ZFHX3: variants seen among roughly 807,000 people sequenced by gnomAD.
ZFHX3 encodes the protein zinc finger homeobox protein 3.
In ZFHX3, 42 loss-of-function variants were observed where a neutral mutation model predicts 279.1. That is an observed-to-expected ratio of 0.15 (90% confidence interval 0.12 to 0.19). The LOEUF is 0.19. Among genes scored for constraint, ZFHX3 ranks in the 10% least tolerant of loss-of-function variants. The pLI, the probability that ZFHX3 is intolerant of heterozygous loss-of-function variation, is 1.00. For synonymous variants in ZFHX3, 2,293 were observed against 1,957.8 expected (o/e 1.17, Z -4.52); for missense variants, 4,981 against 4,754.0 (o/e 1.05, Z -1.40).
chr16:73,322,984 A>G (rs2015607918), intron 3 of ZFHX3, among the ~76,000 whole-genome samples: 1 of 152,196 alleles, frequency 6.6e-6, no homozygotes, highest in South Asian at 2.1e-4. Context: ...CATATTGTCT[A>G]TGGATGCTTT....
intron 8 of ZFHX3, 121 bp from the exon 9 acceptor site, chr16:72,798,835 G>A: frequency 3.5e-6 from 5 of 1,421,406 alleles, no homozygotes; most frequent in South Asian, 1.7e-5. Context: ...TGAGGGAAGT[G>A]CCCAACCTGA....
chr16:73,618,300 T>A (rs2052325344), intron 2 of ZFHX3, among the ~76,000 whole-genome samples: 1 of 152,156 alleles, frequency 6.6e-6, no homozygotes, highest in South Asian at 2.1e-4. Context: ...CTGTAACACA[T>A]CCTGTGATTG....
At chr16:73,552,388 C>G (rs1337575126) in intron 2 of ZFHX3, among the ~76,000 whole-genome samples, 1 of 152,038 alleles carries the variant, frequency 6.6e-6, no homozygotes, top group Non-Finnish European at 1.5e-5. Context: ...AAAAATTAGC[C>G]ATAAAATCCA....
intron 2 of ZFHX3, among the ~76,000 whole-genome samples, chr16:73,673,795 G>A (rs960669768): frequency 1.3e-5 from 2 of 152,114 alleles, no homozygotes; most frequent in African/African-American, 4.8e-5. Flanking sequence ...TATTCCACCT[G>A]AATGGAGATT....
rs911644119 is a variant in ZFHX3, at chr16:73,436,276, A to G, written c.-1291+19727T>C. 3.9e-5 allele frequency among the ~76,000 whole-genome samples: 6 copies of G among 152,264 alleles called. No individual in the cohort carries two copies. In the South Asian group the frequency reaches 1.0e-3, roughly 26 times the overall value. On this transcript the variant is annotated intron_variant, in intron 3 of 17. Transcript: ENST00000641206. Reference sequence around the variant, plus strand: ...GTGGAGGTTGTGGTAAGCCAAGATCACACCATTGCACTCCAGCCTGGGCAA... The same window carrying G: ...GTGGAGGTTGTGGTAAGCCAAGATCGCACCATTGCACTCCAGCCTGGGCAA...
chr16:73,555,730 G>T (rs186976249), intron 2 of ZFHX3, among the ~76,000 whole-genome samples: 2 of 151,886 alleles, frequency 1.3e-5, no homozygotes, highest in African/African-American at 2.4e-5. Context: ...TACTGAGCAG[G>T]CTGAGGCAGG....
chr16:73,767,383 T>G (rs1597104468), intron 1 of ZFHX3, among the ~76,000 whole-genome samples: 1 of 152,178 alleles, frequency 6.6e-6, no homozygotes, highest in East Asian at 1.9e-4. Context: ...TTATTTGGAT[T>G]TGAGGAAAAG....
At chr16:73,169,011 T>C (rs1967459156) in intron 5 of ZFHX3, among the ~76,000 whole-genome samples, 2 of 152,188 alleles carry the variant, frequency 1.3e-5, no homozygotes, top group African/African-American at 4.8e-5. Flanking sequence ...TTTAGAACTA[T>C]TGTTTGGTTC....
intron 3 of ZFHX3, among the ~76,000 whole-genome samples, chr16:73,330,557 G>A (rs1198833467): frequency 6.6e-6 from 1 of 152,124 alleles, no homozygotes; most frequent in Non-Finnish European, 1.5e-5. Context: ...TTTATTTAAG[G>A]GCCTTCTTTA....
intron 2 of ZFHX3, among the ~76,000 whole-genome samples, chr16:73,500,764 G>A (rs145778533): frequency 1.4e-5 from 2 of 143,272 alleles, no homozygotes; most frequent in East Asian, 2.7e-4. Context: ...AACACAATGT[G>A]TGTTTTAAGC....
chr16:73,012,421 T>A (rs1224363151), intron 1 of ZFHX3, among the ~76,000 whole-genome samples: 15 of 149,920 alleles, frequency 1.0e-4, no homozygotes, highest in Non-Finnish European at 2.1e-4. Flanking sequence ...CCATTTTTTT[T>A]ATTAAATTAG....
intron 4 of ZFHX3, among the ~76,000 whole-genome samples, chr16:72,881,143 C>T (rs943691465): frequency 6.6e-6 from 1 of 152,212 alleles, no homozygotes; most frequent in Non-Finnish European, 1.5e-5. Flanking sequence ...TCCAACAGAA[C>T]CTTCTGAACT....
chr16:73,003,639 G>C (rs1963586041), intron 1 of ZFHX3, among the ~76,000 whole-genome samples: 1 of 151,996 alleles, frequency 6.6e-6, no homozygotes, highest in Non-Finnish European at 1.5e-5. Flanking sequence ...CAGGGAGGCA[G>C]GGATTGCAGT....
At chr16:73,516,770 A>C (rs1013119863) in intron 2 of ZFHX3, among the ~76,000 whole-genome samples, 1 of 152,224 alleles carries the variant, frequency 6.6e-6, no homozygotes, top group Non-Finnish European at 1.5e-5. Flanking sequence ...CCCAAGGCCC[A>C]GAGCAGTGTC....
At chr16:73,506,018 G>A (rs866706766) in intron 2 of ZFHX3, among the ~76,000 whole-genome samples, 1 of 152,224 alleles carries the variant, frequency 6.6e-6, no homozygotes, top group African/African-American at 2.4e-5. Flanking sequence ...GGGATCACAC[G>A]ACAGCGGAAG....
chr16:73,118,011 GAACT>G (rs1175740210), intron 7 of ZFHX3, among the ~76,000 whole-genome samples: 1 of 152,134 alleles, frequency 6.6e-6, no homozygotes, highest in Admixed American at 6.6e-5. Context: ...ATGGCAGCCT[GAACT>G]AACTAAGACA....
intron 1 of ZFHX3, among the ~76,000 whole-genome samples, chr16:73,753,849 T>C (rs1312354028): frequency 6.6e-6 from 1 of 152,218 alleles, no homozygotes; most frequent in Non-Finnish European, 1.5e-5. Flanking sequence ...CAAAATATTA[T>C]GACCAGAGAT....
chr16:73,412,296 C>T (rs2017485833), intron 3 of ZFHX3, among the ~76,000 whole-genome samples: 1 of 149,812 alleles, frequency 6.7e-6, no homozygotes, highest in East Asian at 2.0e-4. Context: ...CACGGCACTC[C>T]ACCCTGGGCA....
intron 4 of ZFHX3, among the ~76,000 whole-genome samples, chr16:72,871,171 T>TTTTATTTA (rs559457462): frequency 6.6e-6 from 1 of 152,116 alleles, no homozygotes; most frequent in Non-Finnish European, 1.5e-5. Flanking sequence ...TATATCAACA[T>TTTTATTTA]TTTATTTATT....
Sources: gnomAD v4.1 joint callset for allele counts (sites outside exome capture counted in the v4.1 genomes callset) on GRCh38, gnomAD v4.1.1 for gene constraint, MANE v1.5 for transcripts, NCBI Gene and HGNC (gene_info 2026-07-23, HGNC 2026-07-21) for gene names.